INTS4: variants seen among roughly 807,000 people sequenced by gnomAD.
INTS4 encodes MSTP093.
In INTS4, 70 loss-of-function variants were observed where a neutral mutation model predicts 119.5. That is an observed-to-expected ratio of 0.59 (90% CI 0.48 to 0.71). INTS4 has a LOEUF of 0.71. INTS4 is among the 30% of genes least tolerant of loss of function. The pLI, the probability that INTS4 is intolerant of heterozygous loss-of-function variation, is 0.00. For synonymous variants in INTS4, 316 were observed against 419.6 expected, an observed-to-expected ratio of 0.75 and a Z score of 3.02; for missense variants, 867 against 1,173.2, an observed-to-expected ratio of 0.74 and a Z score of 3.81.
At chr11:77,920,372 T>G (rs1953328857) in intron 14 of INTS4, among the ~76,000 whole-genome samples, 1 of 150,686 alleles carries the variant, frequency 6.6e-6, no homozygotes, top group Non-Finnish European at 1.5e-5. Context: ...CAAGCAGGGA[T>G]GAGTTAATGC....
intron 18 of INTS4, among the ~76,000 whole-genome samples, chr11:77,894,973 G>C (rs1952448833): frequency 6.6e-6 from 1 of 152,126 alleles, no homozygotes; most frequent in African/African-American, 2.4e-5. Flanking sequence ...TACTGTAAGG[G>C]CTCCAAGAAA....
intron 1 of INTS4, 91 bp downstream of exon 1, chr11:77,994,499 A>AC: frequency 5.0e-6 from 5 of 995,602 alleles, no homozygotes. Flanking sequence ...ACACGGGCGT[A>AC]TGGAGCCTCT....
At chr11:77,878,293 C>A (rs1191468667), downstream of INTS4, among the ~76,000 whole-genome samples, 1 of 150,766 alleles carries the variant, frequency 6.6e-6, no homozygotes, top group Non-Finnish European at 1.5e-5. Flanking sequence ...ACCCAGGAGG[C>A]AGAGGTTGCA....
rs572998055 is a variant in INTS4, at chr11:77,955,117, A to G, written c.918+825T>C. On this transcript the variant is annotated intron_variant, in intron 8 of 22. Transcript: ENST00000534064. ...CAATTTGGGAGGCCAAGGCAGAAGGATCACTTGAGCCTAGGAATTCAAGAC... is the reference window on the plus strand; with the variant it reads ...CAATTTGGGAGGCCAAGGCAGAAGGGTCACTTGAGCCTAGGAATTCAAGAC... 7.6e-4 allele frequency among the ~76,000 whole-genome samples: 116 copies of G among 152,216 alleles called. 2 individuals are homozygous for G. In the South Asian group the frequency reaches 0.023, roughly 31 times the overall value.
At chr11:77,925,141 G>A (rs556729364) in intron 11 of INTS4, among the ~76,000 whole-genome samples, 2 of 152,268 alleles carry the variant, frequency 1.3e-5, no homozygotes, top group African/African-American at 4.8e-5. Flanking sequence ...TCATGATGCT[G>A]AAGGTACAAG....
intron 1 of INTS4, among the ~76,000 whole-genome samples, chr11:77,991,643 C>T (rs1303344293): frequency 2.0e-5 from 3 of 151,952 alleles, no homozygotes; most frequent in African/African-American, 7.3e-5. Flanking sequence ...GCACCTCAGC[C>T]TCCCAAAGTG....
At chr11:77,887,120 G>C (rs1033142062) in intron 21 of INTS4, among the ~76,000 whole-genome samples, 2 of 152,004 alleles carry the variant, frequency 1.3e-5, no homozygotes, top group African/African-American at 2.4e-5. Flanking sequence ...GAAGGAAATA[G>C]AGACACAAAA....
chr11:77,887,932 A>G lies in INTS4; in HGVS notation c.2592+3387T>C, dbSNP rs547171294. On this transcript the variant is annotated intron_variant, in intron 21 of 22. Transcript: ENST00000534064. ...CTCAATGAAATAAAAGAGGATACAA[A>G]CAAATGGAAAAACATTCCATGCTCA... Among the ~76,000 whole-genome samples the G allele has an allele frequency of 1.7e-3, 254 of 152,374 alleles. 1 individual carries two copies. Among genetic ancestry groups the G allele is most frequent in the African/African-American group, 5.9e-3 (247 of 41,586 alleles).
At chr11:77,887,912 T>G (rs987518228) in intron 21 of INTS4, among the ~76,000 whole-genome samples, 2 of 151,972 alleles carry the variant, frequency 1.3e-5, no homozygotes, top group African/African-American at 2.4e-5. Context: ...CACTGCTCAA[T>G]GAAATAAAAG....
In INTS4 at chr11:77,896,741, G is replaced by C. The variant is rs551837588; in HGVS notation, c.2229-2392C>G. ...CAAAAGAAAAGGTATAGGAAAAATAGATCCAGAAAATCCAACATTTAGTAT... is the reference window on the plus strand; with the variant it reads ...CAAAAGAAAAGGTATAGGAAAAATACATCCAGAAAATCCAACATTTAGTAT... On this transcript the variant is annotated intron_variant, in intron 18 of 22. Coordinates refer to ENST00000534064, the MANE Select transcript of INTS4 (RefSeq NM_033547.4). 3.1e-4 allele frequency among the ~76,000 whole-genome samples: 45 copies of C among 147,536 alleles called. No homozygotes were observed. The South Asian group carries it at 9.1e-3, about 30-fold the overall frequency.
intron 16 of INTS4, among the ~76,000 whole-genome samples, chr11:77,907,438 A>G (rs1416072515): frequency 2.0e-5 from 3 of 152,212 alleles, no homozygotes; most frequent in Admixed American, 2.0e-4. Context: ...ATCAAATTAT[A>G]CAAAACATTT....
Position 77,924,800 on chromosome 11 carries a change from C to T in INTS4, c.1464G>A (p.Glu488=). ...TKEGIHLALV[E]LLKNLTKYPT... is the part of the protein sequence containing the mutation. Reference sequence around the variant, plus strand: ...GGTACTTGGTTAAATTTTTCAGCAGCTCCACCAATGCAAGATGAATCCCTT... The same window carrying T: ...GGTACTTGGTTAAATTTTTCAGCAGTTCCACCAATGCAAGATGAATCCCTT... Residue 488 remains glutamate, a synonymous_variant, in exon 12 of 23, where the codon GAG becomes GAA. Coordinates refer to ENST00000534064, the MANE Select transcript of INTS4 (RefSeq NM_033547.4). The T allele has an allele frequency of 6.2e-7, 1 of 1,603,748 alleles. No individual in the cohort carries two copies. Among genetic ancestry groups the T allele is most frequent in the African/African-American group, 1.3e-5 (1 of 74,794 alleles).
At chr11:77,976,000 C>T (rs1023136511) in intron 4 of INTS4, among the ~76,000 whole-genome samples, 1 of 148,894 alleles carries the variant, frequency 6.7e-6, no homozygotes, top group African/African-American at 2.5e-5. Context: ...AAAAAACACA[C>T]ACACACAAAC....
chr11:77,924,748 A>C lies in INTS4; in HGVS notation c.1514+2T>G. The C allele has an allele frequency of 6.2e-7, 1 of 1,606,062 alleles. No homozygotes were observed. The highest frequency in any genetic ancestry group is 8.5e-7 in the Non-Finnish European group (1 of 1,173,652). On this transcript the variant is annotated splice_donor_variant, in intron 12 of 22. Transcript: ENST00000534064. LOFTEE classifies it high-confidence loss of function. Reference sequence around the variant, plus strand: ...TGAGTAAATGGGCAAAAAAGTCATTACTTCCATATGGAGTCCCTATCAGTA... The same window carrying C: ...TGAGTAAATGGGCAAAAAAGTCATTCCTTCCATATGGAGTCCCTATCAGTA...
At chr11:77,993,621 T>A (rs1433227266) in intron 1 of INTS4, among the ~76,000 whole-genome samples, 1 of 139,154 alleles carries the variant, frequency 7.2e-6, no homozygotes, top group South Asian at 2.2e-4. Flanking sequence ...GTAAATTTTA[T>A]ATTATGTATT....
intron 4 of INTS4, 97 bp downstream of exon 4, chr11:77,978,899 G>T: frequency 1.5e-6 from 1 of 687,758 alleles, no homozygotes; most frequent in Non-Finnish European, 2.6e-6. Flanking sequence ...AACACCAAGA[G>T]ATGAAAAAAA....
chr11:77,879,612 T>C (rs1026140098), intron 22 of INTS4, among the ~76,000 whole-genome samples: 4 of 152,206 alleles, frequency 2.6e-5, no homozygotes, highest in Non-Finnish European at 5.9e-5. Flanking sequence ...TTCTGGCCAA[T>C]GAACAGGAAC....
downstream of INTS4, among the ~76,000 whole-genome samples, chr11:77,875,468 T>C (rs1275226049): frequency 6.6e-6 from 1 of 152,160 alleles, no homozygotes; most frequent in Non-Finnish European, 1.5e-5. Context: ...TTTGGAAGAA[T>C]GGGAAGAACT....
downstream of INTS4, among the ~76,000 whole-genome samples, chr11:77,875,902 GAC>G (rs1342795127): frequency 6.6e-6 from 1 of 152,152 alleles, no homozygotes; most frequent in African/African-American, 2.4e-5. Context: ...GGAGTACAGA[GAC>G]AGTTTGGGAC....
Sources: allele counts gnomAD v4.1 joint callset (sites outside exome capture counted in the v4.1 genomes callset), GRCh38; gene constraint gnomAD v4.1.1; transcripts MANE v1.5; gene names NCBI Gene and HGNC (gene_info 2026-07-23, HGNC 2026-07-21).